Variants in ARHGAP42 observed in about 807,000 individuals in gnomAD.
ARHGAP42 encodes the protein rho GTPase-activating protein 42.
ARHGAP42 carries 63 observed loss-of-function variants against 125.0 expected under a neutral mutation model. The observed-to-expected ratio is 0.50, with a 90% CI of 0.41 to 0.62. The LOEUF (loss-of-function observed/expected upper bound fraction) is 0.62, where lower values mean the gene tolerates loss of function less well. Among genes scored for constraint, ARHGAP42 ranks in the 20% least tolerant of loss-of-function variants. The pLI is 0.00. For missense variants in ARHGAP42, 766 were observed against 1,024.2 expected, an observed-to-expected ratio of 0.75 and a Z score of 3.44; for synonymous variants, 339 against 351.0, an observed-to-expected ratio of 0.97 and a Z score of 0.38.
intron 4 of ARHGAP42, among the ~76,000 whole-genome samples, chr11:100,864,700 C>T (rs769128059): frequency 6.6e-6 from 1 of 152,204 alleles, no homozygotes; most frequent in South Asian, 2.1e-4. Flanking sequence ...AGACCAGAAG[C>T]CTTTCTACTC....
At chr11:100,964,053 T>G (rs1858025812) in intron 16 of ARHGAP42, among the ~76,000 whole-genome samples, 1 of 151,898 alleles carries the variant, frequency 6.6e-6, no homozygotes, top group Admixed American at 6.6e-5. Flanking sequence ...ATCTTATATA[T>G]AAGAACTCAT....
At chr11:100,762,788 C>T (rs915734477) in intron 1 of ARHGAP42, among the ~76,000 whole-genome samples, 2 of 152,010 alleles carry the variant, frequency 1.3e-5, no homozygotes, top group South Asian at 2.1e-4. Context: ...CCTGAGAGCA[C>T]ACTAAAAACG....
chr11:100,765,274 C>T (rs1317257593), intron 1 of ARHGAP42, among the ~76,000 whole-genome samples: 2 of 152,188 alleles, frequency 1.3e-5, no homozygotes, highest in South Asian at 2.1e-4. Context: ...AGGGAGTCTT[C>T]TAACAACTCT....
At chr11:100,789,476 C>A (rs1198643754) in intron 2 of ARHGAP42, among the ~76,000 whole-genome samples, 3 of 152,192 alleles carry the variant, frequency 2.0e-5, no homozygotes, top group Non-Finnish European at 4.4e-5. Context: ...TTTACTCTCT[C>A]TCTGGGCATG....
intron 16 of ARHGAP42, among the ~76,000 whole-genome samples, chr11:100,965,266 A>T (rs947215560): frequency 6.6e-6 from 1 of 152,132 alleles, no homozygotes; most frequent in Admixed American, 6.6e-5. Flanking sequence ...CAGCCAAACC[A>T]TATCAATGGG....
chr11:100,905,150 C>T (rs1033973241), intron 4 of ARHGAP42, among the ~76,000 whole-genome samples: 6 of 152,128 alleles, frequency 3.9e-5, no homozygotes, highest in Non-Finnish European at 5.9e-5. Context: ...CCATTTTTCT[C>T]CTTCTCACTT....
Position 100,936,349 on chromosome 11 carries a change from T to C in ARHGAP42, c.832+17T>C, listed in dbSNP as rs1454999352. The C allele has an allele frequency of 6.4e-7, 1 of 1,551,262 alleles. No individual in the cohort carries two copies. The highest frequency in any genetic ancestry group is 1.4e-5 in the African/African-American group (1 of 73,032). On this transcript the variant is annotated intron_variant, in intron 8 of 23. Transcript: ENST00000298815. Reference sequence around the variant, plus strand: ...AGGAGAAACGTGAGTCACAAAGACATAATTTCACGTCTCTTATGACTTAGC... The same window carrying C: ...AGGAGAAACGTGAGTCACAAAGACACAATTTCACGTCTCTTATGACTTAGC...
intron 4 of ARHGAP42, among the ~76,000 whole-genome samples, chr11:100,905,939 G>A (rs1382931184): frequency 4.6e-5 from 7 of 152,150 alleles, no homozygotes; most frequent in South Asian, 2.1e-4. Flanking sequence ...ATGTTGCCAT[G>A]GCACTCTGGC....
intron 3 of ARHGAP42, among the ~76,000 whole-genome samples, chr11:100,845,405 C>T (rs1865041446): frequency 6.6e-6 from 1 of 152,040 alleles, no homozygotes; most frequent in Non-Finnish European, 1.5e-5. Context: ...ACAGTGTATA[C>T]TGCTTGGGTG....
At chr11:100,779,566 ATATACG>A (rs1863244466) in intron 2 of ARHGAP42, among the ~76,000 whole-genome samples, 1 of 146,556 alleles carries the variant, frequency 6.8e-6, no homozygotes, top group African/African-American at 2.5e-5. Flanking sequence ...ACATACGTAT[ATATACG>A]TATATATACA....
At chr11:100,799,085 G>A (rs1376428795) in intron 3 of ARHGAP42, among the ~76,000 whole-genome samples, 1 of 152,228 alleles carries the variant, frequency 6.6e-6, no homozygotes, top group East Asian at 1.9e-4. Flanking sequence ...GGGTTACAGG[G>A]CTACACCTAG....
chr11:100,816,584 G>A (rs1297744871), intron 3 of ARHGAP42: 3 of 152,188 alleles, frequency 2.0e-5, no homozygotes, highest in African/African-American at 7.2e-5. Context: ...GATTAAGAAT[G>A]ATGATCATTG....
chr11:100,984,762 C>T (rs919780024), intron 22 of ARHGAP42, among the ~76,000 whole-genome samples: 3 of 151,874 alleles, frequency 2.0e-5, no homozygotes, highest in Non-Finnish European at 4.4e-5. Flanking sequence ...GCAGGATTTT[C>T]AAAATCTTTT....
At chr11:100,840,274 G>T (rs994196769) in intron 3 of ARHGAP42, among the ~76,000 whole-genome samples, 2 of 152,074 alleles carry the variant, frequency 1.3e-5, no homozygotes, top group African/African-American at 2.4e-5. Flanking sequence ...ACCCAAGGTC[G>T]CTGCGACACT....
chr11:100,970,738 T>C (rs1178582682), intron 17 of ARHGAP42, among the ~76,000 whole-genome samples: 1 of 152,146 alleles, frequency 6.6e-6, no homozygotes, highest in East Asian at 1.9e-4. Flanking sequence ...GACCCATTGC[T>C]CTTGGCACTG....
rs73571629 is a variant in ARHGAP42, at chr11:100,885,312, G to A, written c.384+25687G>A. The stretch of plus-strand genomic sequence containing the variant: ...AGCCAGAAAGTTTAGGGAACTAAGT[G>A]TATTGGTTAGGTTATACTGAGTTGA... On this transcript the variant is annotated intron_variant, in intron 4 of 23. Coordinates refer to ENST00000298815, the MANE Select transcript of ARHGAP42 (RefSeq NM_152432.4). 9.8e-3 allele frequency among the ~76,000 whole-genome samples: 1,492 copies of A among 152,250 alleles called. 20 individuals are homozygous for A. Among genetic ancestry groups the A allele is most frequent in the African/African-American group, 0.033 (1,373 of 41,534 alleles).
At chr11:100,867,536 G>A (rs1410408158) in intron 4 of ARHGAP42, among the ~76,000 whole-genome samples, 1 of 152,228 alleles carries the variant, frequency 6.6e-6, no homozygotes. Context: ...AGCCTTCATG[G>A]AATTGAAGCG....
At chr11:100,912,750 C>A (rs1383314797) in intron 4 of ARHGAP42, among the ~76,000 whole-genome samples, 2 of 152,124 alleles carry the variant, frequency 1.3e-5, no homozygotes, top group Admixed American at 1.3e-4. Flanking sequence ...CTCAGCTATT[C>A]CCCCTCCCAG....
rs1470134191 is a variant in ARHGAP42 at position 100,954,294 on chromosome 11, T to TACTCC, written c.1162+4340_1162+4344dup. Among the ~76,000 whole-genome samples the TACTCC allele has an allele frequency of 7.2e-5, 11 of 152,322 alleles. No individual in the cohort carries two copies. The East Asian group carries it at 9.6e-4, about 13-fold the overall frequency. On this transcript the variant is annotated intron_variant, in intron 12 of 23. Coordinates refer to ENST00000298815, the MANE Select transcript of ARHGAP42 (RefSeq NM_152432.4). ...AAAATATTCCATTGTGCACCTACTC[T>TACTCC]ACTCCAGGTACTGCGAGTAAGAAAA...
Sources: allele counts gnomAD v4.1 joint callset (sites outside exome capture counted in the v4.1 genomes callset), GRCh38; gene constraint gnomAD v4.1.1; transcripts MANE v1.5; gene names NCBI Gene and HGNC (gene_info 2026-07-23, HGNC 2026-07-21).